The following CHSY3 variants were observed in gnomAD, a reference collection of about 807,000 sequenced individuals.
The protein encoded by CHSY3 is chondroitin sulfate synthase 3.
Under a neutral mutation model 67.2 loss-of-function variants are expected in CHSY3, and 35 were observed. That is an observed-to-expected ratio of 0.52 (90% CI 0.40 to 0.69). CHSY3 has a LOEUF of 0.69. Ranked by LOEUF, CHSY3 falls within the 30% of genes least tolerant of loss-of-function variation. CHSY3 has a pLI of 0.00. For synonymous variants in CHSY3, 474 were observed against 434.7 expected (o/e 1.09, Z -1.12); for missense variants, 1,069 against 1,138.5 (o/e 0.94, Z 0.88).
At position 130,135,050 on chromosome 5, in the gene CHSY3, C is replaced by T. The variant is rs113810098; in HGVS notation, c.1087-49179C>T. Among the ~76,000 whole-genome samples the T allele has an allele frequency of 3.5e-3, 534 of 151,680 alleles. 1 individual carries two copies. Among genetic ancestry groups the T allele is most frequent in the Non-Finnish European group, 6.3e-3 (429 of 67,900 alleles). On this transcript the variant is annotated intron_variant, in intron 2 of 2. Coordinates refer to ENST00000305031, the MANE Select transcript of CHSY3 (RefSeq NM_175856.5). ...TGAATACCTTGTGTACCTATAGTGT[C>T]GATATAGATATAGTATAGATACAGA...
chr5:130,182,954 T>G (rs1770294297), intron 2 of CHSY3, among the ~76,000 whole-genome samples: 1 of 152,024 alleles, frequency 6.6e-6, no homozygotes. Context: ...ATTGAGTTTT[T>G]TTTTTGAAGA....
chr5:129,942,468 A>G (rs1269091721), intron 2 of CHSY3, among the ~76,000 whole-genome samples: 1 of 152,194 alleles, frequency 6.6e-6, no homozygotes, highest in Non-Finnish European at 1.5e-5. Flanking sequence ...TTTAGATGTA[A>G]TAACATCAAA....
At chr5:130,100,436 C>T (rs1290853240) in intron 2 of CHSY3, among the ~76,000 whole-genome samples, 1 of 151,026 alleles carries the variant, frequency 6.6e-6, no homozygotes, top group Non-Finnish European at 1.5e-5. Flanking sequence ...ACCTTGTGAT[C>T]CGCCCGCCTC....
chr5:129,960,670 C>T (rs1397211600), intron 2 of CHSY3, among the ~76,000 whole-genome samples: 2 of 151,710 alleles, frequency 1.3e-5, no homozygotes, highest in African/African-American at 4.8e-5. Flanking sequence ...AAATATGAAG[C>T]TTTGTATCAA....
rs563600763 is a variant in CHSY3 at position 130,153,653 on chromosome 5, C to G, written c.1087-30576C>G. Among the ~76,000 whole-genome samples, 228 of 152,256 alleles carry G rather than the reference C, an allele frequency of 1.5e-3. 1 individual carries two copies. Among genetic ancestry groups the G allele is most frequent in the African/African-American group, 4.7e-3 (196 of 41,550 alleles). ...GTGCTTCCTCCTGATGTCACCTCTGCAAGTGCCACAGCTGGTCTTGATCAT... is the reference window on the plus strand; with the variant it reads ...GTGCTTCCTCCTGATGTCACCTCTGGAAGTGCCACAGCTGGTCTTGATCAT... On this transcript the variant is annotated intron_variant, in intron 2 of 2. Transcript: ENST00000305031.
chr5:130,111,508 A>G (rs1158112935), intron 2 of CHSY3, among the ~76,000 whole-genome samples: 5 of 152,112 alleles, frequency 3.3e-5, no homozygotes, highest in African/African-American at 1.2e-4. Context: ...ACTATTCAAT[A>G]TGATTATTTA....
intron 2 of CHSY3, among the ~76,000 whole-genome samples, chr5:129,957,944 T>C (rs1189625531): frequency 6.6e-6 from 1 of 152,116 alleles, no homozygotes; most frequent in African/African-American, 2.4e-5. Flanking sequence ...TATCTGTAAC[T>C]TACTATGTTG....
At chr5:130,012,708 C>T (rs1446287796) in intron 2 of CHSY3, among the ~76,000 whole-genome samples, 1 of 152,080 alleles carries the variant, frequency 6.6e-6, no homozygotes, top group African/African-American at 2.4e-5. Flanking sequence ...CACAAGATTC[C>T]TCGTGTGACA....
intron 2 of CHSY3, among the ~76,000 whole-genome samples, chr5:130,073,934 G>T (rs1195530869): frequency 1.3e-5 from 2 of 152,136 alleles, no homozygotes; most frequent in African/African-American, 4.8e-5. Flanking sequence ...AGTATGTAAA[G>T]AGCGATATTC....
Position 130,144,805 on chromosome 5 carries a change from C to A in CHSY3, c.1087-39424C>A, listed in dbSNP as rs183115914. On this transcript the variant is annotated intron_variant, in intron 2 of 2. Coordinates refer to ENST00000305031, the MANE Select transcript of CHSY3 (RefSeq NM_175856.5). ...ACGTATTAGGCCCTTCTCTCAATTG[C>A]TATCAAGAAATATCTGAGATGGGGT... Among the ~76,000 whole-genome samples the A allele has an allele frequency of 2.1e-3, 323 of 152,218 alleles. 6 individuals are homozygous for A. In the South Asian group the frequency reaches 0.036, roughly 17 times the overall value.
chr5:129,997,136 A>C (rs915636209), intron 2 of CHSY3, among the ~76,000 whole-genome samples: 25 of 150,912 alleles, frequency 1.7e-4, no homozygotes, highest in Non-Finnish European at 7.4e-5. Context: ...AAAAAAAAAA[A>C]CTCTAGCTCT....
chr5:129,988,282 A>G (rs1000888589), intron 2 of CHSY3, among the ~76,000 whole-genome samples: 2 of 152,238 alleles, frequency 1.3e-5, no homozygotes, highest in Non-Finnish European at 2.9e-5. Flanking sequence ...TCAGGTGATG[A>G]GTATGCAGGA....
chr5:130,076,128 T>A (rs1184587314), intron 2 of CHSY3, among the ~76,000 whole-genome samples: 1 of 152,136 alleles, frequency 6.6e-6, no homozygotes, highest in Non-Finnish European at 1.5e-5. Flanking sequence ...CCATTGTACT[T>A]CTATGCGCTT....
chr5:129,928,935 C>G (rs988131989), intron 2 of CHSY3, among the ~76,000 whole-genome samples: 1 of 152,124 alleles, frequency 6.6e-6, no homozygotes, highest in Non-Finnish European at 1.5e-5. Context: ...CAAGATCACA[C>G]TGCTAGAGAG....
At chr5:130,035,518 G>A (rs1764837753) in intron 2 of CHSY3, among the ~76,000 whole-genome samples, 1 of 152,114 alleles carries the variant, frequency 6.6e-6, no homozygotes, top group African/African-American at 2.4e-5. Flanking sequence ...AAAGCAACAT[G>A]AAGCCTATAA....
At chr5:130,066,095 C>T (rs535342372) in intron 2 of CHSY3, among the ~76,000 whole-genome samples, 2 of 152,112 alleles carry the variant, frequency 1.3e-5, no homozygotes, top group Non-Finnish European at 2.9e-5. Context: ...TTTCTCCATG[C>T]TTCTTCAAAC....
chr5:130,067,606 T>C (rs2149679932), intron 2 of CHSY3, among the ~76,000 whole-genome samples: 1 of 152,184 alleles, frequency 6.6e-6, no homozygotes, highest in Middle Eastern at 3.4e-3. Flanking sequence ...ATTGGACTTT[T>C]ATAAGAGAAA....
intron 2 of CHSY3, among the ~76,000 whole-genome samples, chr5:130,086,256 TA>T (rs1348432473): frequency 2.0e-5 from 3 of 152,106 alleles, no homozygotes; most frequent in Non-Finnish European, 4.4e-5. Flanking sequence ...AGTCTCTTTG[TA>T]GGTCACTCAG....
chr5:129,980,180 T>G (rs1437320470), intron 2 of CHSY3, among the ~76,000 whole-genome samples: 2 of 152,222 alleles, frequency 1.3e-5, no homozygotes, highest in Non-Finnish European at 2.9e-5. Flanking sequence ...AACTGTCTTC[T>G]TAAGTAGTTA....
Sources: gnomAD v4.1 joint callset for allele counts (sites outside exome capture counted in the v4.1 genomes callset) on GRCh38, gnomAD v4.1.1 for gene constraint, MANE v1.5 for transcripts, NCBI Gene and HGNC (gene_info 2026-07-23, HGNC 2026-07-21) for gene names.